ZMAT3: variants seen among roughly 807,000 people sequenced by gnomAD.
ZMAT3 encodes the protein zinc finger matrin-type protein 3.
Under a neutral mutation model 32.3 loss-of-function variants are expected in ZMAT3, and 17 were observed. That is an observed-to-expected ratio of 0.53 (90% CI 0.36 to 0.79). The LOEUF is 0.79. ZMAT3 is among the 30% of genes least tolerant of loss of function. The pLI, the probability that ZMAT3 is intolerant of heterozygous loss-of-function variation, is 0.00. For missense variants in ZMAT3, 329 were observed against 359.7 expected, an observed-to-expected ratio of 0.91 and a Z score of 0.69; for synonymous variants, 120 against 133.1, an observed-to-expected ratio of 0.90 and a Z score of 0.68.
chr3:179,066,436 A>G (rs899137657), intron 2 of ZMAT3, among the ~76,000 whole-genome samples: 1 of 152,256 alleles, frequency 6.6e-6, no homozygotes, highest in Non-Finnish European at 1.5e-5. Context: ...ACAATCAAAA[A>G]GCAACACAAT....
At position 179,071,767 on chromosome 3, in the gene ZMAT3, C is replaced by G. The variant is rs1721738264; in HGVS notation, c.-230G>C. 6.6e-6 allele frequency: 1 copy of G among 152,516 alleles called. No homozygotes were observed. The highest frequency in any genetic ancestry group is 1.5e-5 in the Non-Finnish European group (1 of 68,282). The allele number at this position is 152,516 out of a possible 1,614,324, so 9.4% of individuals were successfully genotyped here. A position where few individuals can be genotyped will look rare whatever the true frequency, so the allele number is the denominator to read the frequency against. ...CAGCCGAAGGCTGACTGTCAAAAGT[C>G]AGTCCAACCCGACCCACAGGGAAAC... On this transcript the variant is annotated 5_prime_UTR_variant, in exon 1 of 6. Coordinates refer to ENST00000311417, the MANE Select transcript of ZMAT3 (RefSeq NM_022470.4).
intron 2 of ZMAT3, among the ~76,000 whole-genome samples, chr3:179,047,403 AG>A (rs909137753): frequency 4.6e-5 from 7 of 152,234 alleles, no homozygotes; most frequent in Admixed American, 2.0e-4. Context: ...TACCCAAATG[AG>A]GAAGAACCAC....
intron 2 of ZMAT3, among the ~76,000 whole-genome samples, chr3:179,052,441 C>T (rs958748548): frequency 6.6e-6 from 1 of 152,132 alleles, no homozygotes; most frequent in Non-Finnish European, 1.5e-5. Context: ...GAAACTACAA[C>T]ATGATACCAC....
chr3:179,032,818 C>G (rs1397643660), intron 2 of ZMAT3, among the ~76,000 whole-genome samples: 1 of 151,974 alleles, frequency 6.6e-6, no homozygotes, highest in East Asian at 1.9e-4. Flanking sequence ...GCCACCCCAT[C>G]TGGGAAGTGA....
At chr3:179,047,639 G>A (rs1720312390) in intron 2 of ZMAT3, among the ~76,000 whole-genome samples, 1 of 151,956 alleles carries the variant, frequency 6.6e-6, no homozygotes, top group South Asian at 2.1e-4. Context: ...GATCACCTGA[G>A]GTCAGGAGTT....
chr3:179,067,882 G>A lies in ZMAT3; in HGVS notation c.-57-73C>T, dbSNP rs374171932. On this transcript the variant is annotated intron_variant, in intron 1 of 5. Coordinates refer to ENST00000311417, the MANE Select transcript of ZMAT3 (RefSeq NM_022470.4). The stretch of plus-strand genomic sequence containing the variant: ...GACTTCAGCAAGATAACATGTAAAT[G>A]ACAACATAATCTGACCCTTTCTTCT... 22 of 1,361,680 alleles carry A rather than the reference G, an allele frequency of 1.6e-5. No individual in the cohort carries two copies. In the South Asian group the frequency reaches 3.0e-4, roughly 19 times the overall value. The allele number at this position is 1,361,680 out of a possible 1,614,324, so 84.3% of individuals were successfully genotyped here.
At chr3:179,062,810 G>A (rs1431107379) in intron 2 of ZMAT3, among the ~76,000 whole-genome samples, 1 of 152,098 alleles carries the variant, frequency 6.6e-6, no homozygotes, top group Non-Finnish European at 1.5e-5. Context: ...ACTATCTCGG[G>A]AGAACAATCA....
At chr3:179,029,262 G>A (rs1719051895) in intron 3 of ZMAT3, among the ~76,000 whole-genome samples, 1 of 152,060 alleles carries the variant, frequency 6.6e-6, no homozygotes, top group South Asian at 2.1e-4. Context: ...AAACTTCAGT[G>A]AGGCTGAAAC....
chr3:179,035,810 T>C (rs1484517460), intron 2 of ZMAT3, among the ~76,000 whole-genome samples: 1 of 152,222 alleles, frequency 6.6e-6, no homozygotes, highest in African/African-American at 2.4e-5. Context: ...AGGAATTTCT[T>C]ACTCCTGCCT....
At chr3:179,066,544 T>C (rs1256389374) in intron 2 of ZMAT3, among the ~76,000 whole-genome samples, 1 of 152,226 alleles carries the variant, frequency 6.6e-6, no homozygotes, top group Non-Finnish European at 1.5e-5. Flanking sequence ...AACACCTGTG[T>C]AACAGTCTTC....
chr3:179,032,770 C>T (rs375372664), intron 2 of ZMAT3, among the ~76,000 whole-genome samples: 18 of 151,788 alleles, frequency 1.2e-4, no homozygotes, highest in African/African-American at 3.2e-4. Context: ...GCCCCGCAGC[C>T]GCCCCGTCTG....
intron 2 of ZMAT3, among the ~76,000 whole-genome samples, chr3:179,064,233 C>T (rs4955793): frequency 0.077 from 11,756 of 152,276 alleles, 554 homozygotes; most frequent in Middle Eastern, 0.16. Flanking sequence ...ACAGGCTACC[C>T]GTGACCCATT....
intron 5 of ZMAT3, among the ~76,000 whole-genome samples, chr3:179,026,379 C>CTTTTTTTTT (rs1235818885): frequency 2.6e-4 from 17 of 65,894 alleles, no homozygotes; most frequent in Non-Finnish European, 3.8e-4. Context: ...ATGAATTGTG[C>CTTTTTTTTT]TTTTTTTTTT....
rs2108533034 is a variant in ZMAT3, at chr3:179,025,178, C to T, written c.709G>A (p.Ala237Thr). ...RSRQRIPRDL[A>T]MCVTPSGQFY... The stretch of plus-strand genomic sequence containing the variant: ...TGGCCACTTGGAGTAACACACATGG[C>T]CAGATCACGTGGAATTCTCTGCCGA... Residue 237 changes from alanine (A) to threonine (T), a missense_variant, in exon 6 of 6, where the codon GCC (alanine) becomes ACC (threonine). Transcript: ENST00000311417. The T allele has an allele frequency of 6.2e-7, 1 of 1,614,134 alleles. No homozygotes were observed. The highest frequency in any genetic ancestry group is 8.5e-7 in the Non-Finnish European group (1 of 1,180,034).
rs566624157 is a variant in ZMAT3 at position 179,023,305 on chromosome 3, A to T, written c.*1712T>A. On this transcript the variant is annotated 3_prime_UTR_variant, in exon 6 of 6. Transcript: ENST00000311417. ...AACGCAAAAAAACAAAAATAATAAT[A>T]CTGATATAATTATCAGATGCCAAAG... is the stretch of plus-strand genomic sequence containing the variant. 2 of 152,212 alleles carry T rather than the reference A, an allele frequency of 1.3e-5. No homozygotes were observed. Among genetic ancestry groups the T allele is most frequent in the Non-Finnish European group, 2.9e-5 (2 of 68,012 alleles). The allele number at this position is 152,212 out of a possible 1,614,324, so 9.4% of individuals were successfully genotyped here.
intron 2 of ZMAT3, among the ~76,000 whole-genome samples, chr3:179,061,590 T>A (rs915068642): frequency 6.6e-6 from 1 of 152,172 alleles, no homozygotes; most frequent in Non-Finnish European, 1.5e-5. Context: ...CTAGTTTTTT[T>A]TTTAAGTACC....
In ZMAT3 at chr3:179,024,868, GT is replaced by G; in HGVS notation, c.*148del. 1 of 641,052 alleles carries G rather than the reference GT, an allele frequency of 1.6e-6. No homozygotes were observed. Among genetic ancestry groups the G allele is most frequent in the African/African-American group, 1.9e-5 (1 of 53,738 alleles). The allele number at this position is 641,052 out of a possible 1,614,324, so 39.7% of individuals were successfully genotyped here. The stretch of plus-strand genomic sequence containing the variant: ...CCCCGCCCCGCCCCCGGGCCCCCAG[GT>G]TTTGACATCTCATGGTACCACTGTG... On this transcript the variant is annotated 3_prime_UTR_variant, in exon 6 of 6. Transcript: ENST00000311417.
chr3:179,025,889 T>C (rs1039231672), intron 5 of ZMAT3, among the ~76,000 whole-genome samples: 1 of 152,216 alleles, frequency 6.6e-6, no homozygotes, highest in African/African-American at 2.4e-5. Context: ...TTGGTGACAT[T>C]ACTGATCATT....
intron 3 of ZMAT3, among the ~76,000 whole-genome samples, chr3:179,028,187 T>C (rs1370552856): frequency 6.6e-6 from 1 of 152,220 alleles, no homozygotes; most frequent in Non-Finnish European, 1.5e-5. Context: ...TTAGTGACTG[T>C]TAACTCTTTA....
Sources: allele counts gnomAD v4.1 joint callset (sites outside exome capture counted in the v4.1 genomes callset), GRCh38; gene constraint gnomAD v4.1.1; transcripts MANE v1.5; gene names NCBI Gene and HGNC (gene_info 2026-07-23, HGNC 2026-07-21).